LGSN: variants seen among roughly 807,000 people sequenced by gnomAD.
LGSN encodes the protein lengsin.
Under a neutral mutation model 19.5 loss-of-function variants are expected in LGSN, and 21 were observed. That is an observed-to-expected ratio of 1.07 (90% CI 0.76 to 1.55). The LOEUF is 1.55. Among genes scored for constraint, LGSN ranks in the 40% most tolerant of loss-of-function variants. LGSN has a pLI of 0.00. For missense variants in LGSN, 673 were observed against 608.5 expected (o/e 1.11, Z -1.12); for synonymous variants, 257 against 215.6 (o/e 1.19, Z -1.68).
the LGSN span, among the ~76,000 whole-genome samples, chr6:63,444,477 A>G: frequency 1.3e-5 from 2 of 152,222 alleles, no homozygotes; most frequent in African/African-American, 4.8e-5. Flanking sequence ...CTTTATATGT[A>G]AGGAATAGAG....
the LGSN span, among the ~76,000 whole-genome samples, chr6:63,410,961 T>G: frequency 6.6e-6 from 1 of 152,152 alleles, no homozygotes; most frequent in Non-Finnish European, 1.5e-5. Flanking sequence ...AGGCCAGAAA[T>G]GTCAGTACAG....
chr6:63,408,252 A>G, the LGSN span, among the ~76,000 whole-genome samples: 1 of 151,872 alleles, frequency 6.6e-6, no homozygotes, highest in Admixed American at 6.6e-5. Context: ...ACAAAGCTGG[A>G]GGCATAACAC....
At chr6:63,488,086 G>T in the LGSN span, among the ~76,000 whole-genome samples, 2 of 152,038 alleles carry the variant, frequency 1.3e-5, no homozygotes, top group Non-Finnish European at 2.9e-5. Flanking sequence ...GCACATCAGG[G>T]AAGTTTTTCC....
At chr6:63,326,405 A>G in the LGSN span, among the ~76,000 whole-genome samples, 1 of 152,232 alleles carries the variant, frequency 6.6e-6, no homozygotes, top group Admixed American at 6.5e-5. Flanking sequence ...ATTCTGCACC[A>G]GGGCTGCAGA....
chr6:63,369,582 G>A, the LGSN span, among the ~76,000 whole-genome samples: 2 of 152,288 alleles, frequency 1.3e-5, no homozygotes, highest in South Asian at 2.1e-4. Context: ...CAAGCTCCCC[G>A]TGCAGGTAGG....
the LGSN span, among the ~76,000 whole-genome samples, chr6:63,370,980 G>A: frequency 6.6e-5 from 10 of 152,212 alleles, no homozygotes; most frequent in Admixed American, 1.3e-4. Flanking sequence ...TTTATCATGC[G>A]CAATTTTTGC....
rs973543319 is a variant in LGSN, at chr6:63,304,821, T to C, written c.31-9776A>G. Among the ~76,000 whole-genome samples the C allele has an allele frequency of 2.2e-4, 34 of 152,182 alleles. 1 individual carries two copies. Among genetic ancestry groups the C allele is most frequent in the African/African-American group, 8.2e-4 (34 of 41,438 alleles). On this transcript the variant is annotated intron_variant, in intron 1 of 3. Transcript: ENST00000370657. ...TGTGTAGAATGTCAGATGGTATCTT[T>C]GACTGGAATGACAAAATCTCAAAGA...
chr6:63,390,369 A>T, the LGSN span, among the ~76,000 whole-genome samples: 32 of 151,390 alleles, frequency 2.1e-4, no homozygotes, highest in African/African-American at 7.8e-4. Context: ...ACCTCAGGTG[A>T]TCCACCTGCC....
At chr6:63,335,245 T>C in the LGSN span, among the ~76,000 whole-genome samples, 2,034 of 151,848 alleles carry the variant, frequency 0.013, 17 homozygotes, top group Middle Eastern at 0.024. Flanking sequence ...ACTAGACCCC[T>C]ATCTCTCACC....
At chr6:63,303,020 C>T (rs1441251063) in intron 1 of LGSN, among the ~76,000 whole-genome samples, 3 of 152,036 alleles carry the variant, frequency 2.0e-5, no homozygotes, top group African/African-American at 4.8e-5. Context: ...CCCAGCTACT[C>T]GGGAAGCTGA....
chr6:63,424,361 G>A, the LGSN span, among the ~76,000 whole-genome samples: 9 of 151,978 alleles, frequency 5.9e-5, no homozygotes, highest in African/African-American at 1.9e-4. Flanking sequence ...GAAATCTCCA[G>A]GCCTAGATAT....
the LGSN span, chr6:63,572,366 G>A: frequency 3.3e-6 from 1 of 305,756 alleles, no homozygotes; most frequent in Non-Finnish European, 6.0e-6. Flanking sequence ...TCCGGAGGGG[G>A]CGGGCCTCCG....
chr6:63,482,734 T>C, the LGSN span, among the ~76,000 whole-genome samples: 1 of 152,194 alleles, frequency 6.6e-6, no homozygotes, highest in Non-Finnish European at 1.5e-5. Flanking sequence ...AGGATCTCAC[T>C]ATGTCACCCA....
At chr6:63,555,724 C>T in the LGSN span, among the ~76,000 whole-genome samples, 1 of 145,570 alleles carries the variant, frequency 6.9e-6, no homozygotes, top group East Asian at 2.0e-4. Flanking sequence ...GACGGAGTCT[C>T]GCTCTGTCAC....
the LGSN span, among the ~76,000 whole-genome samples, chr6:63,512,079 T>A: frequency 3.6e-5 from 4 of 109,996 alleles, no homozygotes; most frequent in Admixed American, 1.8e-4. Context: ...CTTCGCTCCA[T>A]GTTCTTTTTT....
intron 2 of LGSN, among the ~76,000 whole-genome samples, chr6:63,287,231 C>G (rs1052311339): frequency 1.3e-5 from 2 of 152,124 alleles, no homozygotes; most frequent in African/African-American, 4.8e-5. Flanking sequence ...CTCTGAAACT[C>G]CGGAGGCTTT....
intron 1 of LGSN, among the ~76,000 whole-genome samples, chr6:63,317,006 A>T (rs1768892688): frequency 6.6e-6 from 1 of 152,126 alleles, no homozygotes. Flanking sequence ...GCCTTAGGAA[A>T]GCCTTAATAG....
chr6:63,294,273 T>G (rs567444903), intron 2 of LGSN, among the ~76,000 whole-genome samples: 1 of 152,114 alleles, frequency 6.6e-6, no homozygotes, highest in East Asian at 1.9e-4. Flanking sequence ...AGGCAGAGAT[T>G]GCAGTGAGCC....
chr6:63,477,758 T>A, the LGSN span, among the ~76,000 whole-genome samples: 1 of 129,388 alleles, frequency 7.7e-6, no homozygotes, highest in African/African-American at 2.8e-5. Flanking sequence ...AGTCTCAAAC[T>A]CCTGGCCTCA....
Sources: allele counts gnomAD v4.1 joint callset (sites outside exome capture counted in the v4.1 genomes callset), GRCh38; gene constraint gnomAD v4.1.1; transcripts MANE v1.5; gene names NCBI Gene and HGNC (gene_info 2026-07-23, HGNC 2026-07-21).